Variants in FOLH1 observed in about 807,000 individuals in gnomAD.
FOLH1 encodes the protein folate hydrolase 1, also known as glutamate carboxypeptidase 2.
A neutral mutation model predicts 93.9 loss-of-function variants in FOLH1; 54 were observed. The observed-to-expected ratio is 0.57, with a 90% confidence interval of 0.46 to 0.72. FOLH1 has a LOEUF of 0.72. Ranked by LOEUF, FOLH1 falls within the 30% of genes least tolerant of loss-of-function variation. FOLH1 has a pLI of 0.00. For synonymous variants in FOLH1, 249 were observed against 303.6 expected (o/e 0.82, Z 1.87); for missense variants, 571 against 892.5 (o/e 0.64, Z 4.59).
intron 1 of FOLH1, 175 bp from the exon 2 acceptor site, chr11:49,206,347 T>G (rs1171270552): frequency 1.2e-5 from 13 of 1,060,730 alleles, no homozygotes; most frequent in Non-Finnish European, 5.5e-6. Context: ...AAAAGAGTCA[T>G]GCAAACAGAT....
At chr11:49,204,659 G>T (rs1325424329) in intron 2 of FOLH1, among the ~76,000 whole-genome samples, 1 of 151,928 alleles carries the variant, frequency 6.6e-6, no homozygotes, top group Non-Finnish European at 1.5e-5. Context: ...GACCTGAGAG[G>T]TATCCTATCA....
At chr11:49,201,263 T>TATAA (rs1863226454) in intron 2 of FOLH1, among the ~76,000 whole-genome samples, 1 of 148,660 alleles carries the variant, frequency 6.7e-6, no homozygotes, top group African/African-American at 2.4e-5. Flanking sequence ...AAGATATATA[T>TATAA]ATATATATAT....
At chr11:49,181,395 C>A (rs1442037079) in intron 7 of FOLH1, among the ~76,000 whole-genome samples, 7 of 152,058 alleles carry the variant, frequency 4.6e-5, no homozygotes, top group Middle Eastern at 3.4e-3. Context: ...CAAGTGTGAG[C>A]CACCGCGCCC....
chr11:49,186,666 C>G lies in FOLH1; in HGVS notation c.617G>C (p.Gly206Ala), dbSNP rs749746330. ...TACCTTATTTCCTCTGAAAACTTTC[C>G]CATATCTGGCAATTACAATTTTCCC... ...CSGKIVIARY[G>A]KVFRGNKVKN... is the part of the protein sequence containing the mutation. Residue 206 changes from glycine to alanine, a missense_variant, in exon 5 of 19, where the codon GGG becomes GCG. Physicochemically the swap from Gly to Ala is moderately conservative, Grantham distance 60. Transcript: ENST00000256999. The G allele has an allele frequency of 5.6e-6, 9 of 1,612,750 alleles. No individual in the cohort carries two copies. The highest frequency in any genetic ancestry group is 7.6e-6 in the Non-Finnish European group (9 of 1,179,408).
chr11:49,193,540 T>TA (rs990072916), intron 3 of FOLH1, among the ~76,000 whole-genome samples: 3 of 151,808 alleles, frequency 2.0e-5, no homozygotes, highest in African/African-American at 7.3e-5. Context: ...AAATTTACTT[T>TA]AAAAAAAAGT....
chr11:49,164,292 T>G (rs1177296585), intron 13 of FOLH1, among the ~76,000 whole-genome samples: 1 of 152,262 alleles, frequency 6.6e-6, no homozygotes, highest in Non-Finnish European at 1.5e-5. Context: ...CTCAATCAGT[T>G]AGAACATTTA....
chr11:49,168,000 C>G (rs653212), intron 12 of FOLH1, among the ~76,000 whole-genome samples: 55,036 of 149,586 alleles, frequency 0.37, 11,378 homozygotes, highest in African/African-American at 0.57. Context: ...TACTAATACA[C>G]TAAAGAAAAT....
At chr11:49,195,249 G>T (rs555945021) in intron 3 of FOLH1, among the ~76,000 whole-genome samples, 5 of 152,182 alleles carry the variant, frequency 3.3e-5, no homozygotes, top group Admixed American at 1.3e-4. Context: ...TTAGAGATCA[G>T]ATCAAACAAA....
In FOLH1 at chr11:49,208,565, CCA is replaced by C; in HGVS notation, c.-158_-157del. On this transcript the variant is annotated 5_prime_UTR_variant, in exon 1 of 19. Transcript: ENST00000256999. ...CTGGAATTCGCTCCAGACCTGGGGT[CCA>C]GTTTCTCCACCACAGCAGTGTTTCT... 1.9e-6 allele frequency: 1 copy of C among 535,810 alleles called. No homozygotes were observed. Among genetic ancestry groups the C allele is most frequent in the Non-Finnish European group, 3.3e-6 (1 of 303,024 alleles). 33.2% of individuals were successfully genotyped at this position (535,810 alleles called of 1,614,324 possible). A position where few individuals can be genotyped will look rare whatever the true frequency, so the allele number is the denominator to read the frequency against.
chr11:49,194,723 A>G lies in FOLH1; in HGVS notation c.412-1829T>C, dbSNP rs192840383. On this transcript the variant is annotated intron_variant, in intron 3 of 18. Transcript: ENST00000256999. The stretch of plus-strand genomic sequence containing the variant: ...ATCAGCTGTGTACCAATTGACAAGC[A>G]GTGACATAAACCCGCTGAAAAAGAA... Among the ~76,000 whole-genome samples, 6 of 152,240 alleles carry G rather than the reference A, an allele frequency of 3.9e-5. No individual in the cohort carries two copies. The East Asian group carries it at 1.2e-3, about 29-fold the overall frequency.
At chr11:49,188,491 C>T (rs897036046) in intron 4 of FOLH1, among the ~76,000 whole-genome samples, 20 of 131,592 alleles carry the variant, frequency 1.5e-4, no homozygotes, top group Non-Finnish European at 2.3e-4. Context: ...CCAGCCCGGG[C>T]GACAGAGTAA....
At chr11:49,198,779 T>C (rs1456898671) in intron 3 of FOLH1, among the ~76,000 whole-genome samples, 7 of 148,416 alleles carry the variant, frequency 4.7e-5, no homozygotes, top group Non-Finnish European at 9.0e-5. Context: ...TTGTTTTTCT[T>C]TTTTTTTTTT....
Position 49,155,795 on chromosome 11 carries a change from CATATAT to C in FOLH1, c.1623+916_1623+921del, listed in dbSNP as rs10526900. On this transcript the variant is annotated intron_variant, in intron 15 of 18. Transcript: ENST00000256999. The stretch of plus-strand genomic sequence containing the variant: ...AATTTACTTTGAAGAAAATGAAAAC[CATATAT>C]ATATATATATATATATATATATATA... Among the ~76,000 whole-genome samples, 268 of 52,088 alleles carry C rather than the reference CATATAT, an allele frequency of 5.1e-3. 2 individuals carry two copies. Among genetic ancestry groups the C allele is most frequent in the Middle Eastern group, 0.014 (1 of 72 alleles). The allele number at this position is 52,088 out of a possible 152,430, so 34.2% of individuals were successfully genotyped here.
chr11:49,203,319 A>G lies in FOLH1; in HGVS notation c.224+2748T>C, dbSNP rs571454393. On this transcript the variant is annotated intron_variant, in intron 2 of 18. Transcript: ENST00000256999. ...ACTGGGTGTTTTCAAAGAAGGGAAA[A>G]CACAGACAACCCTGTACATCAAGGC... Among the ~76,000 whole-genome samples the G allele has an allele frequency of 1.6e-4, 24 of 152,358 alleles. No individual in the cohort carries two copies. In the South Asian group the frequency reaches 4.8e-3, roughly 30 times the overall value.
intron 18 of FOLH1, among the ~76,000 whole-genome samples, chr11:49,148,097 A>G (rs937331573): frequency 3.3e-5 from 5 of 152,098 alleles, no homozygotes; most frequent in Non-Finnish European, 5.9e-5. Context: ...TCATTCTGCA[A>G]TATTTAGAAG....
At chr11:49,156,278 C>T (rs1857027631) in intron 15 of FOLH1, among the ~76,000 whole-genome samples, 1 of 151,920 alleles carries the variant, frequency 6.6e-6, no homozygotes, top group Non-Finnish European at 1.5e-5. Flanking sequence ...TGTTTAATGA[C>T]TTGTTATTTG....
At chr11:49,157,490 G>T (rs11040274) in intron 14 of FOLH1, among the ~76,000 whole-genome samples, 3 of 151,790 alleles carry the variant, frequency 2.0e-5, no homozygotes, top group African/African-American at 7.3e-5. Flanking sequence ...TTAAAGATTA[G>T]AACATTTTAA....
intron 17 of FOLH1, among the ~76,000 whole-genome samples, chr11:49,149,648 A>C (rs1274289481): frequency 6.6e-6 from 1 of 152,100 alleles, no homozygotes; most frequent in Admixed American, 6.6e-5. Flanking sequence ...CTCAGATTCA[A>C]GCTTGTAGAG....
At chr11:49,151,644 G>A (rs550438577) in intron 17 of FOLH1, among the ~76,000 whole-genome samples, 6 of 152,276 alleles carry the variant, frequency 3.9e-5, no homozygotes, top group Admixed American at 3.3e-4. Context: ...GAATTTGTAA[G>A]TATCATATAG....
Sources: gnomAD v4.1 joint callset for allele counts (sites outside exome capture counted in the v4.1 genomes callset) on GRCh38, gnomAD v4.1.1 for gene constraint, MANE v1.5 for transcripts, NCBI Gene and HGNC (gene_info 2026-07-23, HGNC 2026-07-21) for gene names.